Variants in SLC44A1 observed in about 807,000 individuals in gnomAD.
SLC44A1 encodes solute carrier family 44 member 1, also known as choline transporter-like protein 1.
SLC44A1 carries 26 observed loss-of-function variants against 79.3 expected under a neutral mutation model. That is an observed-to-expected ratio of 0.33 (90% CI 0.24 to 0.46). The LOEUF is 0.46. Ranked by LOEUF, SLC44A1 falls within the 20% of genes least tolerant of loss-of-function variation. The probability of loss-of-function intolerance (pLI) is 1.00; values close to 1 mark genes in which losing one functional copy is unlikely to be tolerated. For synonymous variants in SLC44A1, 263 were observed against 286.2 expected, an observed-to-expected ratio of 0.92 and a Z score of 0.82; for missense variants, 688 against 798.1, an observed-to-expected ratio of 0.86 and a Z score of 1.66.
At chr9:105,435,892 A>G (rs1829457925) in intron 15 of SLC44A1, among the ~76,000 whole-genome samples, 2 of 152,230 alleles carry the variant, frequency 1.3e-5, no homozygotes. Flanking sequence ...ACCTAAAACT[A>G]TTCTAAAATT....
rs931439990 is a variant in SLC44A1, at chr9:105,391,978, A to T, written c.*2922A>T. 7.1e-6 allele frequency: 7 copies of T among 985,284 alleles called. No individual in the cohort carries two copies. The African/African-American group carries it at 1.2e-4, about 17-fold the overall frequency. 61.0% of individuals were successfully genotyped at this position (985,284 alleles called of 1,614,324 possible). A position where few individuals can be genotyped will look rare whatever the true frequency, so the allele number is the denominator to read the frequency against. ...CATCAGATAATTAAGGCTCTGGTGC[A>T]TAATTTAGACTTTCTAAGCTCCTGC... On this transcript the variant is annotated 3_prime_UTR_variant, in exon 16 of 16. Coordinates refer to ENST00000374720, the MANE Select transcript of SLC44A1 (RefSeq NM_080546.5).
At chr9:105,275,312 G>A (rs1830174349) in intron 1 of SLC44A1, among the ~76,000 whole-genome samples, 1 of 152,186 alleles carries the variant, frequency 6.6e-6, no homozygotes, top group Non-Finnish European at 1.5e-5. Context: ...ATCAGGGATT[G>A]TAAACAAGTT....
intron 3 of SLC44A1, among the ~76,000 whole-genome samples, chr9:105,319,114 C>T (rs1335968846): frequency 1.3e-5 from 2 of 152,080 alleles, no homozygotes; most frequent in African/African-American, 4.8e-5. Context: ...TTGTGTTTAC[C>T]TGGGTGTCAG....
chr9:105,349,038 G>T (rs1767962712), intron 5 of SLC44A1, among the ~76,000 whole-genome samples: 1 of 152,138 alleles, frequency 6.6e-6, no homozygotes, highest in African/African-American at 2.4e-5. Flanking sequence ...ATGTTCTTTG[G>T]AAGGATCTCA....
chr9:105,379,896 A>G (rs1323059017), intron 13 of SLC44A1, among the ~76,000 whole-genome samples: 1 of 152,174 alleles, frequency 6.6e-6, no homozygotes, highest in Non-Finnish European at 1.5e-5. Context: ...TATATCTTCT[A>G]GTTGACAATT....
At chr9:105,400,964 T>C (rs566440555), downstream of SLC44A1, among the ~76,000 whole-genome samples, 8 of 152,326 alleles carry the variant, frequency 5.3e-5, no homozygotes, top group Non-Finnish European at 7.3e-5. Flanking sequence ...CATAACATGT[T>C]GAAATATACA....
At position 105,392,403 on chromosome 9, in the gene SLC44A1, C is replaced by CTTTTTTT. The variant is rs57226567; in HGVS notation, c.*3368_*3374dup. Reference sequence around the variant, plus strand: ...GTAGAGATGCTCTCTCTCTCTCTCTCTTTTTTTTTTTTTTTTTTTTTTTTT... The same window carrying CTTTTTTT: ...GTAGAGATGCTCTCTCTCTCTCTCTCTTTTTTTTTTTTTTTTTTTTTTTTTTTTTTTT... On this transcript the variant is annotated 3_prime_UTR_variant, in exon 16 of 16. Coordinates refer to ENST00000374720, the MANE Select transcript of SLC44A1 (RefSeq NM_080546.5). 7 of 610,898 alleles carry CTTTTTTT rather than the reference C, an allele frequency of 1.1e-5. No homozygotes were observed. The highest frequency in any genetic ancestry group is 1.3e-5 in the Non-Finnish European group (7 of 536,352). 37.8% of individuals were successfully genotyped at this position (610,898 alleles called of 1,614,324 possible). A position where few individuals can be genotyped will look rare whatever the true frequency, so the allele number is the denominator to read the frequency against.
At chr9:105,333,052 A>G (rs1442935222) in intron 3 of SLC44A1, among the ~76,000 whole-genome samples, 1 of 152,238 alleles carries the variant, frequency 6.6e-6, no homozygotes, top group Non-Finnish European at 1.5e-5. Flanking sequence ...AAAGCAAGGG[A>G]TAAGGTTGCT....
intron 1 of SLC44A1, among the ~76,000 whole-genome samples, chr9:105,292,606 A>G (rs1423186725): frequency 3.3e-5 from 5 of 152,216 alleles, no homozygotes; most frequent in African/African-American, 2.4e-5. Context: ...TATTTTAGAC[A>G]CTGAAAGATC....
intron 3 of SLC44A1, among the ~76,000 whole-genome samples, chr9:105,311,168 T>C (rs185516384): frequency 1.1e-4 from 16 of 152,338 alleles, no homozygotes; most frequent in Admixed American, 9.1e-4. Flanking sequence ...GTATGTTATT[T>C]CTTGTAGCAA....
intron 15 of SLC44A1, among the ~76,000 whole-genome samples, chr9:105,438,052 G>C (rs922447777): frequency 2.0e-5 from 3 of 152,082 alleles, no homozygotes; most frequent in African/African-American, 7.2e-5. Flanking sequence ...GGAAATGTAG[G>C]CACAGATTTT....
intron 2 of SLC44A1, among the ~76,000 whole-genome samples, chr9:105,305,843 CTTTTTTTTTTT>C (rs748755778): frequency 1.3e-4 from 11 of 84,982 alleles, no homozygotes; most frequent in African/African-American, 2.6e-4. Context: ...AAAGTGTGTC[CTTTTTTTTTTT>C]TTTTTTTTTT....
At position 105,389,857 on chromosome 9, in the gene SLC44A1, G is replaced by T; in HGVS notation, c.*801G>T. The T allele has an allele frequency of 6.8e-7, 1 of 1,463,742 alleles. No individual in the cohort carries two copies. The highest frequency in any genetic ancestry group is 9.0e-7 in the Non-Finnish European group (1 of 1,106,986). 90.7% of individuals were successfully genotyped at this position (1,463,742 alleles called of 1,614,324 possible). A position where few individuals can be genotyped will look rare whatever the true frequency, so the allele number is the denominator to read the frequency against. On this transcript the variant is annotated 3_prime_UTR_variant, in exon 16 of 16. Transcript: ENST00000374720. Reference sequence around the variant, plus strand: ...TGTGCCTGATTTGAAAGGAAGCTGGGGCACCCAGCGAGTTTAGCCTTTAAG... The same window carrying T: ...TGTGCCTGATTTGAAAGGAAGCTGGTGCACCCAGCGAGTTTAGCCTTTAAG...
downstream of SLC44A1, among the ~76,000 whole-genome samples, chr9:105,401,949 A>G (rs1358881853): frequency 6.6e-6 from 1 of 152,290 alleles, no homozygotes; most frequent in Middle Eastern, 3.4e-3. Context: ...ATTAGGAGAA[A>G]CTGTCTCAGC....
chr9:105,364,806 T>C, intron 10 of SLC44A1, 86 bp downstream of exon 10: 3 of 988,190 alleles, frequency 3.0e-6, no homozygotes, highest in Non-Finnish European at 4.6e-6. Context: ...AGACTGGGGC[T>C]GGCAGGAGTT....
At chr9:105,285,608 A>C (rs1405327865) in intron 1 of SLC44A1, among the ~76,000 whole-genome samples, 1 of 152,142 alleles carries the variant, frequency 6.6e-6, no homozygotes, top group Non-Finnish European at 1.5e-5. Flanking sequence ...TAGTTCTTAT[A>C]GGTTTTGGGA....
chr9:105,274,072 G>A (rs1346779033), intron 1 of SLC44A1, among the ~76,000 whole-genome samples: 1 of 152,176 alleles, frequency 6.6e-6, no homozygotes. Flanking sequence ...GGGAAAAGTA[G>A]TGAATAAAGC....
intron 1 of SLC44A1, among the ~76,000 whole-genome samples, chr9:105,253,750 A>G (rs1267503084): frequency 6.6e-6 from 1 of 152,006 alleles, no homozygotes; most frequent in East Asian, 1.9e-4. Flanking sequence ...TTTGAGACAG[A>G]GTCTCGCTCT....
chr9:105,286,012 A>C lies in SLC44A1; in HGVS notation c.37-13208A>C, dbSNP rs147134023. Reference sequence around the variant, plus strand: ...GCTACTTGGGAGGCTGAGATGGGAGAATCACTTGAACCTGGGAGGTGGAGG... The same window carrying C: ...GCTACTTGGGAGGCTGAGATGGGAGCATCACTTGAACCTGGGAGGTGGAGG... On this transcript the variant is annotated intron_variant, in intron 1 of 15. Transcript: ENST00000374720. Among the ~76,000 whole-genome samples, 676 of 152,252 alleles carry C rather than the reference A, an allele frequency of 4.4e-3. 3 individuals carry two copies. The highest frequency in any genetic ancestry group is 8.3e-3 in the Non-Finnish European group (564 of 68,014).
Sources: gnomAD v4.1 joint callset for allele counts (sites outside exome capture counted in the v4.1 genomes callset) on GRCh38, gnomAD v4.1.1 for gene constraint, MANE v1.5 for transcripts, NCBI Gene and HGNC (gene_info 2026-07-23, HGNC 2026-07-21) for gene names.